Variants in PTPRD observed in about 807,000 individuals in gnomAD.
The protein encoded by PTPRD is receptor-type tyrosine-protein phosphatase delta.
A neutral mutation model predicts 214.5 loss-of-function variants in PTPRD; 34 were observed. That is an observed-to-expected ratio of 0.16 (90% CI 0.12 to 0.21). The LOEUF (loss-of-function observed/expected upper bound fraction) is 0.21. PTPRD is among the 10% of genes least tolerant of loss of function. PTPRD has a pLI of 1.00. For synonymous variants in PTPRD, 1,128 were observed against 845.7 expected, an observed-to-expected ratio of 1.33 and a Z score of -5.79; for missense variants, 2,545 against 2,398.7, an observed-to-expected ratio of 1.06 and a Z score of -1.27.
intron 5 of PTPRD, among the ~76,000 whole-genome samples, chr9:9,825,475 G>A (rs913232181): frequency 6.6e-6 from 1 of 151,808 alleles, no homozygotes; most frequent in Non-Finnish European, 1.5e-5. Context: ...AAGAGACCGA[G>A]AGACAGAGAG....
chr9:9,593,408 T>C (rs1346387980), intron 7 of PTPRD, among the ~76,000 whole-genome samples: 1 of 152,014 alleles, frequency 6.6e-6, no homozygotes, highest in East Asian at 1.9e-4. Context: ...GGCTTGAGTA[T>C]TGAGCAATTT....
At chr9:9,949,180 A>C (rs939002903) in intron 4 of PTPRD, among the ~76,000 whole-genome samples, 2 of 152,080 alleles carry the variant, frequency 1.3e-5, no homozygotes, top group Non-Finnish European at 2.9e-5. Context: ...TATTCCTTAA[A>C]AAGTGTTTCA....
At chr9:10,139,581 T>TAAGC (rs2098968063) in intron 3 of PTPRD, among the ~76,000 whole-genome samples, 2 of 151,974 alleles carry the variant, frequency 1.3e-5, no homozygotes, top group Non-Finnish European at 2.9e-5. Context: ...AAGGTATTCT[T>TAAGC]AAGCAAACAA....
intron 11 of PTPRD, among the ~76,000 whole-genome samples, chr9:8,947,373 G>C (rs2099072055): frequency 6.8e-6 from 1 of 147,116 alleles, no homozygotes; most frequent in African/African-American, 2.5e-5. Context: ...TGAGGCAGGA[G>C]AATCTTCTGA....
At chr9:8,680,239 A>G (rs2154371732) in intron 12 of PTPRD, among the ~76,000 whole-genome samples, 1 of 152,300 alleles carries the variant, frequency 6.6e-6, no homozygotes, top group South Asian at 2.1e-4. Context: ...AAAAGCGCTA[A>G]CACTGGAAAA....
intron 5 of PTPRD, among the ~76,000 whole-genome samples, chr9:9,868,037 A>G (rs2064428677): frequency 6.6e-6 from 1 of 152,164 alleles, no homozygotes; most frequent in Non-Finnish European, 1.5e-5. Context: ...CTTGGTAGGA[A>G]AAACGGCCTT....
At chr9:9,920,018 C>T (rs545036722) in intron 5 of PTPRD, among the ~76,000 whole-genome samples, 8 of 151,932 alleles carry the variant, frequency 5.3e-5, no homozygotes, top group African/African-American at 1.9e-4. Flanking sequence ...AAGATCTTTT[C>T]TTGAGGTTAC....
chr9:10,299,000 A>G (rs1052097170), intron 3 of PTPRD, among the ~76,000 whole-genome samples: 18 of 152,070 alleles, frequency 1.2e-4, no homozygotes, highest in Non-Finnish European at 2.2e-4. Context: ...AAGCTACCTC[A>G]CTGTCACTAC....
intron 11 of PTPRD, among the ~76,000 whole-genome samples, chr9:8,828,599 G>A (rs1170572565): frequency 6.6e-6 from 1 of 152,172 alleles, no homozygotes; most frequent in Non-Finnish European, 1.5e-5. Flanking sequence ...AGTACTCTAA[G>A]GCAGGCAGAA....
At chr9:10,402,094 A>C (rs1244488305) in intron 2 of PTPRD, among the ~76,000 whole-genome samples, 2 of 151,656 alleles carry the variant, frequency 1.3e-5, no homozygotes, top group Non-Finnish European at 3.0e-5. Context: ...AAATCAAAAG[A>C]AAAAGGGTAT....
chr9:10,365,950 C>A lies in PTPRD; in HGVS notation c.-599-24933G>T, dbSNP rs528144239. Among the ~76,000 whole-genome samples, 5 of 152,230 alleles carry A rather than the reference C, an allele frequency of 3.3e-5. No homozygotes were observed. The Middle Eastern group carries it at 0.01, about 311-fold the overall frequency. ...CCTCTACTCTGTTTCCATAGTCATG[C>A]CTTTCCAGAGGGGAGAATAAACTAA... On this transcript the variant is annotated intron_variant, in intron 2 of 45. Coordinates refer to ENST00000381196, the MANE Select transcript of PTPRD (RefSeq NM_002839.4).
chr9:10,606,213 C>T (rs1037764590), intron 2 of PTPRD, among the ~76,000 whole-genome samples: 1 of 151,814 alleles, frequency 6.6e-6, no homozygotes, highest in African/African-American at 2.4e-5. Flanking sequence ...AATCTGATGA[C>T]CACCTAACCC....
intron 9 of PTPRD, among the ~76,000 whole-genome samples, chr9:9,294,048 G>C (rs1204272181): frequency 1.3e-5 from 2 of 151,528 alleles, no homozygotes; most frequent in Non-Finnish European, 3.0e-5. Context: ...TGCCACAGTT[G>C]ACCTGATAAC....
At chr9:8,907,263 T>G (rs1040728407) in intron 11 of PTPRD, among the ~76,000 whole-genome samples, 8 of 151,960 alleles carry the variant, frequency 5.3e-5, no homozygotes, top group African/African-American at 1.9e-4. Flanking sequence ...CAACATAAAA[T>G]TAGGGATAGG....
intron 2 of PTPRD, among the ~76,000 whole-genome samples, chr9:10,371,086 GATC>G (rs1327023913): frequency 3.3e-5 from 5 of 151,926 alleles, no homozygotes; most frequent in Non-Finnish European, 7.4e-5. Flanking sequence ...GCTTCTCAGT[GATC>G]ATATTTTTCA....
At chr9:8,655,742 T>G (rs569034044) in intron 12 of PTPRD, among the ~76,000 whole-genome samples, 3 of 151,780 alleles carry the variant, frequency 2.0e-5, no homozygotes, top group East Asian at 3.9e-4. Context: ...CCACTTGCTT[T>G]TTTTTTTTTT....
At chr9:8,360,315 G>A (rs1345897872) in intron 39 of PTPRD, among the ~76,000 whole-genome samples, 1 of 152,162 alleles carries the variant, frequency 6.6e-6, no homozygotes, top group African/African-American at 2.4e-5. Context: ...ACTACTGTTT[G>A]CTGTTGATAT....
At chr9:8,671,375 G>A (rs1032712238) in intron 12 of PTPRD, among the ~76,000 whole-genome samples, 2 of 152,040 alleles carry the variant, frequency 1.3e-5, no homozygotes, top group Admixed American at 1.3e-4. Flanking sequence ...AAGGGGAAAA[G>A]TAACAATGGT....
At chr9:10,310,662 A>G (rs904277249) in intron 3 of PTPRD, among the ~76,000 whole-genome samples, 5 of 152,108 alleles carry the variant, frequency 3.3e-5, no homozygotes, top group African/African-American at 9.7e-5. Flanking sequence ...ACGAATCCCA[A>G]TGGACATTAA....
Sources: allele counts gnomAD v4.1 joint callset (sites outside exome capture counted in the v4.1 genomes callset), GRCh38; gene constraint gnomAD v4.1.1; transcripts MANE v1.5; gene names NCBI Gene and HGNC (gene_info 2026-07-23, HGNC 2026-07-21).